Variants in DAAM1 observed in about 807,000 individuals in gnomAD.
The protein encoded by DAAM1 is disheveled-associated activator of morphogenesis 1.
A neutral mutation model predicts 130.0 loss-of-function variants in DAAM1; 52 were observed. The ratio of observed to expected loss-of-function variants is 0.40; its 90% confidence interval spans 0.32 to 0.50. DAAM1 has a LOEUF of 0.50. Ranked by LOEUF, DAAM1 falls within the 20% of genes least tolerant of loss-of-function variation. DAAM1 has a pLI of 0.61. For missense variants in DAAM1, 1,134 were observed against 1,303.8 expected, an observed-to-expected ratio of 0.87 and a Z score of 2.01; for synonymous variants, 452 against 444.5, an observed-to-expected ratio of 1.02 and a Z score of -0.21.
intron 23 of DAAM1, among the ~76,000 whole-genome samples, chr14:59,366,299 C>CTCAG (rs2139693431): frequency 6.6e-6 from 1 of 152,234 alleles, no homozygotes; most frequent in African/African-American, 2.4e-5. Flanking sequence ...AAATTGTATT[C>CTCAG]TCAGTCATAC....
intron 3 of DAAM1, among the ~76,000 whole-genome samples, chr14:59,294,946 A>G (rs1291175605): frequency 6.6e-6 from 1 of 152,238 alleles, no homozygotes; most frequent in Non-Finnish European, 1.5e-5. Context: ...TCTTATCAGC[A>G]CAGGAAGAAA....
chr14:59,313,782 C>CTAT (rs1884683120), intron 3 of DAAM1, among the ~76,000 whole-genome samples: 1 of 152,218 alleles, frequency 6.6e-6, no homozygotes, highest in Non-Finnish European at 1.5e-5. Context: ...ATTTTATTAA[C>CTAT]ATGTTAAAGT....
chr14:59,286,853 G>T (rs551247897), intron 2 of DAAM1, among the ~76,000 whole-genome samples: 7 of 152,222 alleles, frequency 4.6e-5, no homozygotes, highest in Admixed American at 3.3e-4. Context: ...AATTCTACCA[G>T]ATATATGAAG....
intron 23 of DAAM1, among the ~76,000 whole-genome samples, chr14:59,366,226 T>A (rs1035246776): frequency 2.6e-5 from 4 of 151,828 alleles, no homozygotes; most frequent in Middle Eastern, 3.4e-3. Context: ...CATATCTTTT[T>A]AAAAAAAAAT....
intron 3 of DAAM1, among the ~76,000 whole-genome samples, chr14:59,294,832 T>C (rs1381041942): frequency 6.6e-6 from 1 of 152,214 alleles, no homozygotes; most frequent in Non-Finnish European, 1.5e-5. Context: ...CATGCTGTAT[T>C]TGCTTATTGT....
At chr14:59,246,787 C>T (rs957784487) in intron 1 of DAAM1, among the ~76,000 whole-genome samples, 6 of 152,048 alleles carry the variant, frequency 3.9e-5, no homozygotes, top group East Asian at 1.9e-4. Context: ...TTTTGACTTG[C>T]GTTGCTCTAA....
intron 2 of DAAM1, among the ~76,000 whole-genome samples, chr14:59,288,832 G>GGAGA (rs58762540): frequency 0.035 from 5,025 of 143,898 alleles, 109 homozygotes; most frequent in South Asian, 0.044. Flanking sequence ...TGTGATAGCA[G>GGAGA]GAGAGAGAGA....
intron 1 of DAAM1, among the ~76,000 whole-genome samples, chr14:59,247,503 T>C (rs996059379): frequency 6.6e-6 from 1 of 152,252 alleles, no homozygotes; most frequent in African/African-American, 2.4e-5. Context: ...CAATATTGTC[T>C]TCCAGTCTAT....
chr14:59,209,237 C>CCAGCCTGCAGGCCGTT (rs59376847), intron 1 of DAAM1, among the ~76,000 whole-genome samples: 1 of 151,926 alleles, frequency 6.6e-6, no homozygotes, highest in Non-Finnish European at 1.5e-5. Context: ...TGCTGGATGG[C>CCAGCCTGCAGGCCGTT]ACCTTTTATG....
chr14:59,330,787 TC>T, intron 13 of DAAM1, 99 bp downstream of exon 13: 1 of 1,209,220 alleles, frequency 8.3e-7, no homozygotes, highest in South Asian at 1.8e-5. Flanking sequence ...GGGAATAAAA[TC>T]TGAAATGGCT....
At chr14:59,201,126 A>G (rs1475903202) in intron 1 of DAAM1, among the ~76,000 whole-genome samples, 1 of 138,942 alleles carries the variant, frequency 7.2e-6, no homozygotes, top group South Asian at 2.3e-4. Flanking sequence ...GTGACACTGC[A>G]CTCCAGCCTG....
intron 1 of DAAM1, among the ~76,000 whole-genome samples, chr14:59,192,910 G>T (rs976072561): frequency 2.0e-5 from 3 of 152,150 alleles, no homozygotes; most frequent in African/African-American, 7.2e-5. Flanking sequence ...AAAATTAGCC[G>T]GGTGTGGTGG....
chr14:59,215,893 G>A (rs1888561906), intron 1 of DAAM1, among the ~76,000 whole-genome samples: 1 of 152,166 alleles, frequency 6.6e-6, no homozygotes, highest in African/African-American at 2.4e-5. Flanking sequence ...TGACACTATA[G>A]CATGAGAGGT....
At chr14:59,349,498 CTCTT>C (rs1183870427) in intron 17 of DAAM1, among the ~76,000 whole-genome samples, 2 of 152,236 alleles carry the variant, frequency 1.3e-5, no homozygotes, top group African/African-American at 4.8e-5. Context: ...ATCTCCCACG[CTCTT>C]TCTTTTCCTC....
Position 59,326,604 on chromosome 14 carries a change from C to T in DAAM1, c.1269C>T (p.Asp423=). The change falls in exon 11 of 25, where the codon GAC becomes GAT. Residue 423 remains aspartate, a synonymous_variant. Transcript: ENST00000360909. ...AGAATGACAAAGGACAGGACCCTGA[C>T]TCCACACCTTTGGAAAACTTTAATA... ...VIQNDKGQDP[D]STPLENFNIK... The T allele has an allele frequency of 1.9e-6, 3 of 1,613,852 alleles. No homozygotes were observed. Among genetic ancestry groups the T allele is most frequent in the Non-Finnish European group, 2.5e-6 (3 of 1,179,928 alleles).
At chr14:59,343,537 G>A (rs2139654206) in intron 16 of DAAM1, among the ~76,000 whole-genome samples, 1 of 152,304 alleles carries the variant, frequency 6.6e-6, no homozygotes, top group East Asian at 1.9e-4. Context: ...TTATCTCCTG[G>A]CAATGCCATC....
intron 1 of DAAM1, among the ~76,000 whole-genome samples, chr14:59,205,443 G>A (rs1013377594): frequency 6.6e-6 from 1 of 152,192 alleles, no homozygotes; most frequent in Non-Finnish European, 1.5e-5. Context: ...GTTTGGATTT[G>A]CTGAGATCTT....
intron 1 of DAAM1, among the ~76,000 whole-genome samples, chr14:59,210,062 C>T (rs922786980): frequency 2.7e-4 from 41 of 151,992 alleles, no homozygotes; most frequent in Admixed American, 1.8e-3. Context: ...GGATTGCTTG[C>T]GCCCAGGAAT....
At chr14:59,317,970 A>G (rs1884855539) in intron 4 of DAAM1, among the ~76,000 whole-genome samples, 1 of 152,178 alleles carries the variant, frequency 6.6e-6, no homozygotes, top group Non-Finnish European at 1.5e-5. Flanking sequence ...AGTCTGATAA[A>G]CAGTCCAGGT....
Sources: gnomAD v4.1 joint callset for allele counts (sites outside exome capture counted in the v4.1 genomes callset) on GRCh38, gnomAD v4.1.1 for gene constraint, MANE v1.5 for transcripts, NCBI Gene and HGNC (gene_info 2026-07-23, HGNC 2026-07-21) for gene names.